Variants in PCGF3 observed in about 807,000 individuals in gnomAD.
PCGF3 encodes polycomb group ring finger 3.
A neutral mutation model predicts 33.1 loss-of-function variants in PCGF3; 7 were observed. The observed-to-expected ratio is 0.21, with a 90% CI of 0.12 to 0.40. PCGF3 has a LOEUF of 0.40. Among genes scored for constraint, PCGF3 ranks in the 10% least tolerant of loss-of-function variants. The pLI is 1.00. For synonymous variants in PCGF3, 153 were observed against 121.3 expected (o/e 1.26, Z -1.72); for missense variants, 211 against 313.3 (o/e 0.67, Z 2.46).
chr4:737,813 T>G (rs1231086264), intron 6 of PCGF3, among the ~76,000 whole-genome samples: 1 of 152,208 alleles, frequency 6.6e-6, no homozygotes, highest in Non-Finnish European at 1.5e-5. Flanking sequence ...CCCAGGACCC[T>G]GCCTTCTTCC....
In PCGF3 at chr4:760,571, C is replaced by G. The variant is rs139907658; in HGVS notation, c.463-708C>G. 1.6e-4 allele frequency among the ~76,000 whole-genome samples: 24 copies of G among 152,272 alleles called. No homozygotes were observed. In the East Asian group the frequency reaches 4.4e-3, roughly 28 times the overall value. ...TTAGACATACATGTTTCAGTTAACC[C>G]CCTGTCCATTCTTCCACTGCATTTT... On this transcript the variant is annotated intron_variant, in intron 8 of 10. Coordinates refer to ENST00000362003, the Ensembl canonical transcript of PCGF3.
intron 8 of PCGF3, among the ~76,000 whole-genome samples, chr4:750,097 G>C (rs1744446754): frequency 6.6e-6 from 1 of 152,248 alleles, no homozygotes; most frequent in Non-Finnish European, 1.5e-5. Context: ...GAGCCCACGT[G>C]CCCGCCAAGT....
chr4:712,591 C>T (rs563933911), intron 1 of PCGF3, among the ~76,000 whole-genome samples: 3 of 152,268 alleles, frequency 2.0e-5, no homozygotes, highest in South Asian at 4.1e-4. Context: ...GGATTACAGG[C>T]GCCTGCCACC....
intron 1 of PCGF3, among the ~76,000 whole-genome samples, chr4:713,847 G>A (rs940188893): frequency 9.2e-5 from 14 of 152,268 alleles, no homozygotes; most frequent in Admixed American, 3.9e-4. Context: ...CACAGGGCAG[G>A]CATCATTGGA....
chr4:738,905 G>A (rs936670162), intron 6 of PCGF3, among the ~76,000 whole-genome samples: 10 of 151,946 alleles, frequency 6.6e-5, no homozygotes, highest in African/African-American at 2.2e-4. Flanking sequence ...CGTTTCAAAC[G>A]CTTAGCAGTG....
intron 3 of PCGF3, among the ~76,000 whole-genome samples, chr4:732,126 A>C (rs1474030340): frequency 1.5e-5 from 1 of 68,770 alleles, no homozygotes; most frequent in Non-Finnish European, 2.8e-5. Context: ...CGTGGTCCTC[A>C]GGGGCGTAGG....
intron 1 of PCGF3, among the ~76,000 whole-genome samples, chr4:715,711 T>A (rs1349020043): frequency 2.5e-5 from 3 of 118,332 alleles, no homozygotes; most frequent in Admixed American, 8.4e-5. Flanking sequence ...TGGGACCCTG[T>A]AGACACTGAG....
At chr4:713,472 A>C (rs1463077793) in intron 1 of PCGF3, among the ~76,000 whole-genome samples, 1 of 63,032 alleles carries the variant, frequency 1.6e-5, no homozygotes, top group African/African-American at 6.5e-5. Context: ...CTATGGCCTC[A>C]TGGGTCCTGT....
intron 10 of PCGF3, among the ~76,000 whole-genome samples, 197 bp downstream of exon 10, chr4:765,261 A>G (rs1460666171): frequency 1.3e-5 from 2 of 152,146 alleles, no homozygotes; most frequent in East Asian, 1.9e-4. Flanking sequence ...GTGAAACCCA[A>G]TCTCTACTAA....
exon 9 of PCGF3, chr4:761,381 A>G (rs1289292011): frequency 3.7e-6 from 6 of 1,611,742 alleles, no homozygotes; most frequent in Non-Finnish European, 4.2e-6. Flanking sequence ...GAAGAAGTTC[A>G]TCGCCAAAAA....
chr4:732,134 A>T (rs1272329358), intron 3 of PCGF3, among the ~76,000 whole-genome samples: 1 of 79,134 alleles, frequency 1.3e-5, no homozygotes, highest in Non-Finnish European at 2.4e-5. Flanking sequence ...TCAGGGGCGT[A>T]GGGCGGGGCT....
chr4:729,369 C>A (rs923661840), intron 1 of PCGF3, among the ~76,000 whole-genome samples: 1 of 150,384 alleles, frequency 6.6e-6, no homozygotes, highest in Admixed American at 6.6e-5. Flanking sequence ...GAGCCAAGAT[C>A]GTGCCACTGC....
chr4:733,233 G>A (rs1391258403), intron 3 of PCGF3, among the ~76,000 whole-genome samples: 1 of 152,246 alleles, frequency 6.6e-6, no homozygotes, highest in Non-Finnish European at 1.5e-5. Context: ...CAAGGGTCGC[G>A]CTGTGAGCCG....
chr4:710,812 C>A (rs1439844276), intron 1 of PCGF3, among the ~76,000 whole-genome samples: 2 of 152,210 alleles, frequency 1.3e-5, no homozygotes, highest in African/African-American at 4.8e-5. Context: ...GCTTCAAGTG[C>A]AAGGATTTTT....
intron 1 of PCGF3, chr4:722,575 G>T (rs1441830016): frequency 7.2e-6 from 2 of 277,514 alleles, no homozygotes; most frequent in African/African-American, 2.4e-5. Flanking sequence ...GCCCGTCCGC[G>T]CCGGGTCCAC....
intron 8 of PCGF3, chr4:757,021 G>A (rs535681037): frequency 3.3e-5 from 5 of 152,328 alleles, no homozygotes; most frequent in Admixed American, 6.5e-5. Flanking sequence ...CAGTCCTGAG[G>A]TTAGTATTAT....
intron 7 of PCGF3, 60 bp from the exon 8 acceptor site, chr4:744,540 T>G (rs1744230326): frequency 7.5e-7 from 1 of 1,337,684 alleles, no homozygotes; most frequent in Admixed American, 2.0e-5. Context: ...ACAGTGTAGT[T>G]TTTTAAATGG....
At chr4:752,522 G>T (rs996626385) in intron 8 of PCGF3, among the ~76,000 whole-genome samples, 3 of 152,166 alleles carry the variant, frequency 2.0e-5, no homozygotes, top group African/African-American at 7.2e-5. Context: ...CTGGCTTTGC[G>T]TGGGCATCCT....
At chr4:761,238 G>GA in intron 8 of PCGF3, 41 bp from the exon 9 acceptor site, 1 of 1,517,304 alleles carries the variant, frequency 6.6e-7, no homozygotes, top group Non-Finnish European at 8.8e-7. Flanking sequence ...CCGTCCGGGG[G>GA]AACCCTCCTG....
Sources: gnomAD v4.1 joint callset for allele counts (sites outside exome capture counted in the v4.1 genomes callset) on GRCh38, gnomAD v4.1.1 for gene constraint, MANE v1.5 for transcripts, NCBI Gene and HGNC (gene_info 2026-07-23, HGNC 2026-07-21) for gene names.